The following MYO9A variants were observed in gnomAD, a reference collection of about 807,000 sequenced individuals.
MYO9A encodes the protein myosin IXA.
Under a neutral mutation model 293.3 loss-of-function variants are expected in MYO9A, and 103 were observed. That is an observed-to-expected ratio of 0.35 (90% confidence interval 0.30 to 0.41). MYO9A has a LOEUF of 0.41. Ranked by LOEUF, MYO9A falls within the 10% of genes least tolerant of loss-of-function variation. The probability of loss-of-function intolerance (pLI) is 1.00; values close to 1 mark genes in which losing one functional copy is unlikely to be tolerated. For synonymous variants in MYO9A, 1,001 were observed against 1,035.7 expected (o/e 0.97, Z 0.64); for missense variants, 2,685 against 3,033.0 (o/e 0.89, Z 2.69).
chr15:71,852,098 G>A, intron 36 of MYO9A, 34 bp downstream of exon 36: 1 of 1,583,604 alleles, frequency 6.3e-7, no homozygotes, highest in East Asian at 2.3e-5. Flanking sequence ...CCCAACTATA[G>A]GCCTTCTCTC....
rs1328852403 is a variant in MYO9A, at chr15:72,007,924, G to A, written c.1282C>T (p.His428Tyr). ...QIFSLLSAIL[H>Y]LGNICYKKKT... Reference sequence around the variant, plus strand: ...TTTTTGTAACAGATATTACCCAAATGTAGTATGGCTGAGAGAAGAGAGAAA... The same window carrying A: ...TTTTTGTAACAGATATTACCCAAATATAGTATGGCTGAGAGAAGAGAGAAA... The change falls in exon 8 of 42, where the codon CAT (histidine) becomes TAT (tyrosine). Residue 428 changes from histidine to tyrosine, a missense_variant. Coordinates refer to ENST00000356056, the MANE Select transcript of MYO9A (RefSeq NM_006901.4). The A allele has an allele frequency of 1.1e-5, 17 of 1,612,774 alleles. No homozygotes were observed. The highest frequency in any genetic ancestry group is 1.3e-5 in the African/African-American group (1 of 74,942).
intron 39 of MYO9A, among the ~76,000 whole-genome samples, chr15:71,834,246 C>A (rs1231193138): frequency 6.6e-6 from 1 of 151,942 alleles, no homozygotes; most frequent in Admixed American, 6.6e-5. Context: ...GGAGAAATTT[C>A]TATGAAAATC....
intron 7 of MYO9A, among the ~76,000 whole-genome samples, chr15:72,009,334 A>C (rs183789869): frequency 6.6e-6 from 1 of 152,202 alleles, no homozygotes; most frequent in African/African-American, 2.4e-5. Context: ...TGCTAATTAA[A>C]GAGTCATACC....
At chr15:71,905,226 TAG>T (rs2057595968) in intron 19 of MYO9A, among the ~76,000 whole-genome samples, 1 of 152,162 alleles carries the variant, frequency 6.6e-6, no homozygotes, top group Non-Finnish European at 1.5e-5. Flanking sequence ...AGCCTGGAAA[TAG>T]TAAATATTGC....
At chr15:72,087,339 A>G (rs2079771085) in intron 1 of MYO9A, among the ~76,000 whole-genome samples, 1 of 152,226 alleles carries the variant, frequency 6.6e-6, no homozygotes, top group Admixed American at 6.5e-5. Flanking sequence ...ATGCTCCACT[A>G]TAGACACTCC....
chr15:72,044,015 C>T (rs1400422505), intron 2 of MYO9A, among the ~76,000 whole-genome samples: 1 of 150,132 alleles, frequency 6.7e-6, no homozygotes, highest in African/African-American at 2.5e-5. Context: ...TATATGTCTG[C>T]AGTGTAGAAT....
chr15:72,023,999 C>T (rs570654214), intron 4 of MYO9A, among the ~76,000 whole-genome samples: 3 of 151,894 alleles, frequency 2.0e-5, no homozygotes, highest in South Asian at 4.2e-4. Flanking sequence ...TTTCTCATCA[C>T]GAACCATGGC....
chr15:71,831,788 T>A (rs1429615004), intron 39 of MYO9A, among the ~76,000 whole-genome samples: 1 of 152,052 alleles, frequency 6.6e-6, no homozygotes, highest in Non-Finnish European at 1.5e-5. Flanking sequence ...GACAGGACAA[T>A]GTAAATGAAA....
At chr15:71,838,918 T>G (rs1595998915) in intron 39 of MYO9A, among the ~76,000 whole-genome samples, 1 of 152,194 alleles carries the variant, frequency 6.6e-6, no homozygotes, top group Non-Finnish European at 1.5e-5. Context: ...TTTTCAGAGC[T>G]CTAAAAAGGT....
At chr15:72,022,250 G>T (rs570182792) in intron 4 of MYO9A, among the ~76,000 whole-genome samples, 2 of 152,200 alleles carry the variant, frequency 1.3e-5, no homozygotes, top group East Asian at 3.9e-4. Context: ...GGCCAGGCGT[G>T]GTGGCTCACA....
chr15:72,114,614 G>C (rs376935902), intron 1 of MYO9A: 1 of 152,082 alleles, frequency 6.6e-6, no homozygotes, highest in Non-Finnish European at 1.5e-5. Context: ...CTGTTTTTGT[G>C]GGGGGAAAAG....
intron 39 of MYO9A, among the ~76,000 whole-genome samples, chr15:71,832,167 T>G (rs1364521227): frequency 1.3e-5 from 2 of 152,078 alleles, no homozygotes; most frequent in Non-Finnish European, 2.9e-5. Flanking sequence ...GTCCCAGTAC[T>G]CAGGATGCTG....
At chr15:72,029,515 G>A (rs541503165) in intron 3 of MYO9A, among the ~76,000 whole-genome samples, 38 of 152,134 alleles carry the variant, frequency 2.5e-4, no homozygotes, top group African/African-American at 8.9e-4. Flanking sequence ...GTAAAAATAG[G>A]GTATTAAAAT....
intron 15 of MYO9A, among the ~76,000 whole-genome samples, chr15:71,943,920 G>A (rs2058845301): frequency 6.6e-6 from 1 of 152,140 alleles, no homozygotes. Flanking sequence ...GGAAAAATAC[G>A]CTTATCTTTA....
At chr15:72,106,409 T>G (rs898972067) in intron 1 of MYO9A, among the ~76,000 whole-genome samples, 4 of 152,288 alleles carry the variant, frequency 2.6e-5, no homozygotes, top group Middle Eastern at 3.4e-3. Flanking sequence ...GAAGGATGGC[T>G]TGAACCCAAG....
intron 1 of MYO9A, among the ~76,000 whole-genome samples, chr15:72,092,910 T>C (rs1198544281): frequency 7.0e-6 from 1 of 141,998 alleles, no homozygotes; most frequent in East Asian, 2.1e-4. Flanking sequence ...CCACCTTACT[T>C]ACACACACAC....
At chr15:72,092,882 A>T (rs1351659308) in intron 1 of MYO9A, among the ~76,000 whole-genome samples, 1 of 151,856 alleles carries the variant, frequency 6.6e-6, no homozygotes, top group Non-Finnish European at 1.5e-5. Context: ...AACAAGACAC[A>T]CACCACCACT....
chr15:71,919,035 T>C (rs2058084182), intron 18 of MYO9A, among the ~76,000 whole-genome samples: 1 of 152,202 alleles, frequency 6.6e-6, no homozygotes, highest in African/African-American at 2.4e-5. Flanking sequence ...ACTGAAAAAA[T>C]AGCCCACTTC....
At chr15:71,901,470 G>T in intron 22 of MYO9A, 130 bp from the exon 23 acceptor site, 1 of 895,176 alleles carries the variant, frequency 1.1e-6, no homozygotes, top group Non-Finnish European at 1.7e-6. Context: ...ATGAAGTACT[G>T]ATAAATATTC....
Sources: gnomAD v4.1 joint callset for allele counts (sites outside exome capture counted in the v4.1 genomes callset) on GRCh38, gnomAD v4.1.1 for gene constraint, MANE v1.5 for transcripts, NCBI Gene and HGNC (gene_info 2026-07-23, HGNC 2026-07-21) for gene names.